Variants in NOM1 observed in about 807,000 individuals in gnomAD.
NOM1 encodes the protein nucleolar protein with MIF4G domain 1.
In NOM1, 58 loss-of-function variants were observed where a neutral mutation model predicts 73.3. That is an observed-to-expected ratio of 0.79 (90% CI 0.64 to 0.99). The LOEUF (loss-of-function observed/expected upper bound fraction) is 0.99. Ranked by LOEUF, NOM1 falls within the 50% of genes least tolerant of loss-of-function variation. NOM1 has a pLI of 0.00. For synonymous variants in NOM1, 487 were observed against 446.8 expected, an observed-to-expected ratio of 1.09 and a Z score of -1.14; for missense variants, 1,226 against 1,131.9, an observed-to-expected ratio of 1.08 and a Z score of -1.19.
intron 9 of NOM1, 145 bp downstream of exon 9, chr7:156,967,237 A>G: frequency 1.0e-6 from 1 of 953,178 alleles, no homozygotes; most frequent in Non-Finnish European, 1.5e-6. Context: ...TAGCCAGGAC[A>G]GAAAACGGCC....
intron 3 of NOM1, 124 bp downstream of exon 3, chr7:156,954,422 A>G (rs1267504312): frequency 5.7e-6 from 4 of 696,458 alleles, no homozygotes; most frequent in Non-Finnish European, 8.9e-6. Flanking sequence ...TTTTGTTGTG[A>G]ATAAATACTC....
Position 156,965,167 on chromosome 7 carries a change from G to A in NOM1, c.2034-1103G>A, listed in dbSNP as rs115491709. Among the ~76,000 whole-genome samples the A allele has an allele frequency of 9.1e-3, 1,382 of 152,360 alleles. 22 individuals carry two copies. The highest frequency in any genetic ancestry group is 0.031 in the African/African-American group (1,294 of 41,582). On this transcript the variant is annotated intron_variant, in intron 7 of 10. Coordinates refer to ENST00000275820, the MANE Select transcript of NOM1 (RefSeq NM_138400.2). ...GGGCTGTGCTGTTTGCAGTGGAGCT[G>A]GTGCTCCTCTCCTGAGGTACAGAGT...
intron 3 of NOM1, among the ~76,000 whole-genome samples, chr7:156,956,049 C>T (rs1804712117): frequency 6.6e-6 from 1 of 152,028 alleles, no homozygotes; most frequent in South Asian, 2.1e-4. Context: ...AAAAATTAGC[C>T]AGGCATGGTG....
In NOM1 at chr7:156,950,588, A is replaced by G. The variant is rs1804566240; in HGVS notation, c.851A>G (p.Asp284Gly). 3 of 1,591,762 alleles carry G rather than the reference A, an allele frequency of 1.9e-6. No homozygotes were observed. In the South Asian group the frequency reaches 3.4e-5, roughly 18 times the overall value. The change falls in exon 1 of 11, where the codon GAC becomes GGC. Residue 284 changes from aspartate (D) to glycine (G), a missense_variant. By Grantham distance (94) the Asp-to-Gly change is moderately conservative (BLOSUM62 -1). Coordinates refer to ENST00000275820, the MANE Select transcript of NOM1 (RefSeq NM_138400.2). ...GCAGAAGCGCAGAGCGAGGACGACG[A>G]CGAGGATACAGAAGAGGAACAGGGG... ...QEAEAQSEDD[D>G]EDTEEEQGEE... is the part of the protein sequence containing the mutation.
At chr7:156,960,710 A>G (rs1162761950) in intron 4 of NOM1, among the ~76,000 whole-genome samples, 1 of 152,176 alleles carries the variant, frequency 6.6e-6, no homozygotes, top group Non-Finnish European at 1.5e-5. Context: ...ACTGCAGGGA[A>G]TTGAGGGTTT....
At chr7:156,958,998 G>GT (rs1400175108) in intron 3 of NOM1, 1 of 152,110 alleles carries the variant, frequency 6.6e-6, no homozygotes, top group Non-Finnish European at 1.5e-5. Context: ...AATGTGTTGC[G>GT]TTTATCTGTT....
In NOM1 at chr7:156,970,240, A is replaced by G. The variant is rs1367255725; in HGVS notation, c.*537A>G. On this transcript the variant is annotated 3_prime_UTR_variant, in exon 11 of 11. Transcript: ENST00000275820. ...GGCTGCAGTGAGCCAAGATTGTACC[A>G]CTGTACTCCAGCCTGGGCTGGACAG... 1.3e-5 allele frequency: 2 copies of G among 150,652 alleles called. No individual in the cohort carries two copies. The highest frequency in any genetic ancestry group is 2.4e-5 in the African/African-American group (1 of 40,838). The allele number at this position is 150,652 out of a possible 1,614,324, so 9.3% of individuals were successfully genotyped here. A position where few individuals can be genotyped will look rare whatever the true frequency, so the allele number is the denominator to read the frequency against.
At chr7:156,959,135 C>T (rs550997329) in intron 3 of NOM1, among the ~76,000 whole-genome samples, 2 of 149,138 alleles carry the variant, frequency 1.3e-5, no homozygotes, top group African/African-American at 4.9e-5. Flanking sequence ...CAGAGTCTTG[C>T]TCTGTCGCCC....
chr7:156,955,565 C>T (rs1324448608), intron 3 of NOM1, among the ~76,000 whole-genome samples: 1 of 152,174 alleles, frequency 6.6e-6, no homozygotes, highest in East Asian at 1.9e-4. Context: ...GCACAGCATC[C>T]CTAAAAGTCT....
chr7:156,949,942 G>C lies in NOM1; in HGVS notation c.205G>C (p.Gly69Arg), dbSNP rs566790316. 3.8e-5 allele frequency: 58 copies of C among 1,541,782 alleles called. No individual in the cohort carries two copies. The highest frequency in any genetic ancestry group is 1.0e-5 in the Non-Finnish European group (12 of 1,146,094). The change falls in exon 1 of 11, where the codon GGC becomes CGC. Residue 69 changes from glycine (G) to arginine (R), a missense_variant. By Grantham distance (125) the Gly-to-Arg change is moderately radical. Coordinates refer to ENST00000275820, the MANE Select transcript of NOM1 (RefSeq NM_138400.2). Reference sequence around the variant, plus strand: ...GGCTCCCGGGGGTTGCGAGGGGCGCGGCGCCCCGGTGAGCTTTCGCCCGGG... The same window carrying C: ...GGCTCCCGGGGGTTGCGAGGGGCGCCGCGCCCCGGTGAGCTTTCGCCCGGG... ...GEAPGGCEGRGAPVSFRPGGR... is the reference protein window; with the variant it reads ...GEAPGGCEGRRAPVSFRPGGR...
At chr7:156,967,151 A>G in intron 9 of NOM1, 59 bp downstream of exon 9, 2 of 1,570,630 alleles carry the variant, frequency 1.3e-6, no homozygotes, top group Non-Finnish European at 1.7e-6. Flanking sequence ...ATTGTTTAGT[A>G]CCTGGTAAAT....
Position 156,971,003 on chromosome 7 carries a change from C to T in NOM1, c.*1300C>T, listed in dbSNP as rs928743168. On this transcript the variant is annotated 3_prime_UTR_variant, in exon 11 of 11. Transcript: ENST00000275820. Reference sequence around the variant, plus strand: ...AACATGAAGAAAATATAGTTACTGCCTGCAAAGAATTAACATCCGTCTAGT... The same window carrying T: ...AACATGAAGAAAATATAGTTACTGCTTGCAAAGAATTAACATCCGTCTAGT... 6.6e-6 allele frequency: 1 copy of T among 152,134 alleles called. No homozygotes were observed. The highest frequency in any genetic ancestry group is 2.4e-5 in the African/African-American group (1 of 41,424). The allele number at this position is 152,134 out of a possible 1,614,324, so 9.4% of individuals were successfully genotyped here. A position where few individuals can be genotyped will look rare whatever the true frequency, so the allele number is the denominator to read the frequency against.
Position 156,954,233 on chromosome 7 carries a change from C to G in NOM1, c.1243C>G (p.Pro415Ala). The change falls in exon 3 of 11, where the codon CCC becomes GCC. Residue 415 changes from proline to alanine, a missense_variant. Coordinates refer to ENST00000275820, the MANE Select transcript of NOM1 (RefSeq NM_138400.2). ...MGACVTASAM[P>A]SRLMMEHVLL... ...TGCCTGCGTCACTGCCTCGGCCATGCCCAGCAGACTGATGATGGAGCATGT... is the reference window on the plus strand; with the variant it reads ...TGCCTGCGTCACTGCCTCGGCCATGGCCAGCAGACTGATGATGGAGCATGT... 1.9e-6 allele frequency: 3 copies of G among 1,612,812 alleles called. No homozygotes were observed. The highest frequency in any genetic ancestry group is 2.5e-6 in the Non-Finnish European group (3 of 1,179,660).
At chr7:156,950,812 C>G in intron 1 of NOM1, 88 bp downstream of exon 1, 1 of 1,164,958 alleles carries the variant, frequency 8.6e-7, no homozygotes, top group Non-Finnish European at 1.2e-6. Context: ...ATGACACAGA[C>G]TTGGTGTCTT....
intron 10 of NOM1, 24 bp from the exon 11 acceptor site, chr7:156,969,503 CAT>C (rs918077964): frequency 6.3e-7 from 1 of 1,598,978 alleles, no homozygotes; most frequent in Admixed American, 1.7e-5. Flanking sequence ...TCAGCCCTGA[CAT>C]GTGTTTATAC....
At position 156,969,800 on chromosome 7, in the gene NOM1, A is replaced by C. The variant is rs1279504665; in HGVS notation, c.*97A>C. The C allele has an allele frequency of 2.6e-6, 3 of 1,174,820 alleles. No individual in the cohort carries two copies. The African/African-American group carries it at 4.6e-5, about 18-fold the overall frequency. The allele number at this position is 1,174,820 out of a possible 1,614,324, so 72.8% of individuals were successfully genotyped here. On this transcript the variant is annotated 3_prime_UTR_variant, in exon 11 of 11. Transcript: ENST00000275820. ...TTGCCTGCGTGTGAATGTTTGGTAG[A>C]GCTATATCATTGTCTGTTAATGTAT...
intron 9 of NOM1, among the ~76,000 whole-genome samples, chr7:156,967,589 T>C (rs1368279389): frequency 6.6e-6 from 1 of 152,160 alleles, no homozygotes; most frequent in Admixed American, 6.5e-5. Context: ...TGGAGTGCAG[T>C]GGTGCAATCT....
At chr7:156,962,399 C>A in intron 5 of NOM1, 138 bp downstream of exon 5, 1 of 695,516 alleles carries the variant, frequency 1.4e-6, no homozygotes, top group South Asian at 1.7e-5. Context: ...GCAGAGTGAA[C>A]GCGGCTCGGT....
chr7:156,971,359 C>CTTT lies in NOM1; in HGVS notation c.*1656_*1657insTTT, dbSNP rs1563689257. On this transcript the variant is annotated 3_prime_UTR_variant, in exon 11 of 11. Transcript: ENST00000275820. ...CTGGTGATGCCTCTCCTGGGCAAAA[C>CTTT]GCCCCATTTGTGGCACTTTCAGATA... The CTTT allele has an allele frequency of 6.6e-6, 1 of 152,264 alleles. No individual in the cohort carries two copies. Among genetic ancestry groups the CTTT allele is most frequent in the East Asian group, 1.9e-4 (1 of 5,194 alleles). 9.4% of individuals were successfully genotyped at this position (152,264 alleles called of 1,614,324 possible). A position where few individuals can be genotyped will look rare whatever the true frequency, so the allele number is the denominator to read the frequency against.
Sources: allele counts gnomAD v4.1 joint callset (sites outside exome capture counted in the v4.1 genomes callset), GRCh38; gene constraint gnomAD v4.1.1; transcripts MANE v1.5; gene names NCBI Gene and HGNC (gene_info 2026-07-23, HGNC 2026-07-21).